Variants in BRD1 observed in about 807,000 individuals in gnomAD.
BRD1 encodes the protein bromodomain containing 1.
BRD1 carries 24 observed loss-of-function variants against 107.7 expected under a neutral mutation model. The ratio of observed to expected loss-of-function variants is 0.22; its 90% CI spans 0.16 to 0.31. The LOEUF (loss-of-function observed/expected upper bound fraction) is 0.31. Among genes scored for constraint, BRD1 ranks in the 10% least tolerant of loss-of-function variants. BRD1 has a pLI of 1.00. For synonymous variants in BRD1, 744 were observed against 686.1 expected (o/e 1.08, Z -1.32); for missense variants, 1,279 against 1,638.6 (o/e 0.78, Z 3.79).
intron 8 of BRD1, among the ~76,000 whole-genome samples, chr22:49,784,101 T>TG (rs1392747955): frequency 1.5e-5 from 2 of 130,398 alleles, no homozygotes; most frequent in African/African-American, 2.9e-5. Context: ...CACGTGCACA[T>TG]GGAGACTCGC....
chr22:49,791,220 C>G (rs549048886), intron 7 of BRD1, among the ~76,000 whole-genome samples: 4 of 152,240 alleles, frequency 2.6e-5, no homozygotes, highest in East Asian at 3.8e-4. Context: ...AGCAACAGCC[C>G]GAACCTCTGC....
chr22:49,775,930 GCCCCCCCGC>G, intron 11 of BRD1, 111 bp downstream of exon 11: 5 of 757,004 alleles, frequency 6.6e-6, no homozygotes, highest in African/African-American at 2.9e-5. Flanking sequence ...GACCAACCCC[GCCCCCCCGC>G]CAGCTGTGGA....
chr22:49,777,024 G>A lies in BRD1; in HGVS notation c.3121+10C>T. The A allele has an allele frequency of 6.2e-7, 1 of 1,613,016 alleles. No individual in the cohort carries two copies. Among genetic ancestry groups the A allele is most frequent in the South Asian group, 1.1e-5 (1 of 91,080 alleles). ...GTGGAGAGCCATGGAGGCAGGTCCG[G>A]GCGACTCACCGGCTGCGATCCTGGC... On this transcript the variant is annotated intron_variant, in intron 10 of 12. Coordinates refer to ENST00000404760, the MANE Select transcript of BRD1 (RefSeq NM_001304808.3).
In BRD1 at chr22:49,824,700, G is replaced by A. The variant is rs2060127608; in HGVS notation, c.-14-369C>T. 9.2e-7 allele frequency: 1 copy of A among 1,084,076 alleles called. No individual in the cohort carries two copies. The highest frequency in any genetic ancestry group is 4.7e-5 in the Admixed American group (1 of 21,274). The allele number at this position is 1,084,076 out of a possible 1,614,324, so 67.2% of individuals were successfully genotyped here. A position where few individuals can be genotyped will look rare whatever the true frequency, so the allele number is the denominator to read the frequency against. On this transcript the variant is annotated intron_variant, in intron 1 of 12. Transcript: ENST00000404760. The surrounding 1 kb of genome is among the most constrained non-coding windows in gnomAD (Gnocchi z 5.9). ...CACAGTTGCAGGACTTTCCCAGCAT[G>A]CAGGCGGTCCCCCAGGAAGTCCACA...
At chr22:49,817,720 T>C (rs1437131814) in intron 2 of BRD1, 6 of 209,134 alleles carry the variant, frequency 2.9e-5, no homozygotes, top group African/African-American at 1.2e-4. Context: ...CAGGGGTCAA[T>C]GTTTCTCTTT....
chr22:49,799,251 C>G (rs2059595009), intron 3 of BRD1, 132 bp from the exon 4 acceptor site: 1 of 1,168,706 alleles, frequency 8.6e-7, no homozygotes, highest in Non-Finnish European at 1.2e-6. Context: ...GGGAGGACAA[C>G]AGACCACCCT....
Position 49,796,518 on chromosome 22 carries a change from G to A in BRD1, c.2098+1287C>T, listed in dbSNP as rs558325665. On this transcript the variant is annotated intron_variant, in intron 6 of 12. Coordinates refer to ENST00000404760, the MANE Select transcript of BRD1 (RefSeq NM_001304808.3). ...ATTACAGGCATGCGCCACCATGCCC[G>A]GCTAATTTTTTGTGTTTGCAGTAGA... is the stretch of plus-strand genomic sequence containing the variant. Among the ~76,000 whole-genome samples the A allele has an allele frequency of 2.2e-3, 337 of 151,988 alleles. 1 individual carries two copies. Among genetic ancestry groups the A allele is most frequent in the South Asian group, 9.8e-3 (47 of 4,812 alleles).
chr22:49,794,853 G>A lies in BRD1; in HGVS notation c.2099-559C>T, dbSNP rs938221344. Among the ~76,000 whole-genome samples, 15 of 152,308 alleles carry A rather than the reference G, an allele frequency of 9.8e-5. No homozygotes were observed. In the South Asian group the frequency reaches 1.0e-3, roughly 11 times the overall value. On this transcript the variant is annotated intron_variant, in intron 6 of 12. Coordinates refer to ENST00000404760, the MANE Select transcript of BRD1 (RefSeq NM_001304808.3). The stretch of plus-strand genomic sequence containing the variant: ...TCACAGATCATTCTGAATTTCAGAC[G>A]TATTTACTACAAAGTCCCTAGAAAC...
intron 8 of BRD1, among the ~76,000 whole-genome samples, chr22:49,780,530 C>A (rs142522164): frequency 1.1e-4 from 17 of 152,128 alleles, no homozygotes; most frequent in Admixed American, 6.5e-5. Context: ...TGCGGCAGTG[C>A]GGGGTCACCC....
intron 2 of BRD1, chr22:49,806,544 C>G (rs1331013823): frequency 6.6e-6 from 1 of 152,154 alleles, no homozygotes; most frequent in African/African-American, 2.4e-5. Context: ...GGAAACAGAC[C>G]TCAGATAAGA....
Position 49,814,557 on chromosome 22 carries a change from A to T in BRD1, c.1367+8394T>A, listed in dbSNP as rs1456438177. Among the ~76,000 whole-genome samples, 6 of 152,354 alleles carry T rather than the reference A, an allele frequency of 3.9e-5. No individual in the cohort carries two copies. The East Asian group carries it at 1.2e-3, about 29-fold the overall frequency. ...CCTCTCCGACGGGGCAGGGTGTGCA[A>T]AAGAGGACGCAGCCCCAGCAACAGG... On this transcript the variant is annotated intron_variant, in intron 2 of 12. Transcript: ENST00000404760.
intron 2 of BRD1, among the ~76,000 whole-genome samples, chr22:49,817,086 A>C (rs1475227909): frequency 6.6e-6 from 1 of 152,138 alleles, no homozygotes; most frequent in Non-Finnish European, 1.5e-5. Flanking sequence ...GAAATCCATA[A>C]GCTGCTCTAT....
intron 1 of BRD1, chr22:49,826,163 G>A: frequency 2.1e-5 from 21 of 985,360 alleles, no homozygotes; most frequent in Non-Finnish European, 2.5e-5. Flanking sequence ...GATCAGAAAC[G>A]AACCTGTCAT....
At chr22:49,827,328 C>T (rs1194615847) in intron 1 of BRD1, among the ~76,000 whole-genome samples, 169 bp downstream of exon 1, 1 of 148,248 alleles carries the variant, frequency 6.7e-6, no homozygotes, top group Non-Finnish European at 1.5e-5. Flanking sequence ...GCCTCCCCGG[C>T]ATCCCGGGCT....
rs2059092881 is a variant in BRD1, at chr22:49,776,089, C to T, written c.3192G>A (p.Val1064=). The T allele has an allele frequency of 6.2e-7, 1 of 1,602,280 alleles. No homozygotes were observed. The highest frequency in any genetic ancestry group is 1.7e-5 in the Admixed American group (1 of 59,648). The change falls in exon 11 of 13, where the codon GTG becomes GTA. Residue 1064 remains valine, a synonymous_variant. Coordinates refer to ENST00000404760, the MANE Select transcript of BRD1 (RefSeq NM_001304808.3). ...AGGGGTAGCCGCTGCACTTGGCCCA[C>T]ACCACCTTCAGAGGCTCCAGCACCG... ...AASVLEPLKV[V]WAKCSGYPSY... is the part of the protein sequence containing the mutation.
chr22:49,815,143 T>TG (rs1395992551), intron 2 of BRD1, among the ~76,000 whole-genome samples: 1 of 152,196 alleles, frequency 6.6e-6, no homozygotes, highest in Non-Finnish European at 1.5e-5. Flanking sequence ...AGAGTCTGAG[T>TG]GCAGAGGAAG....
At position 49,791,728 on chromosome 22, in the gene BRD1, G is replaced by A. The variant is rs113219571; in HGVS notation, c.2359+2306C>T. On this transcript the variant is annotated intron_variant, in intron 7 of 12. Coordinates refer to ENST00000404760, the MANE Select transcript of BRD1 (RefSeq NM_001304808.3). ...TTCTCTGAGGGGCAGGACCCCGCCCGCCCCACCTCTCCAGAGACCCCCAAC... is the reference window on the plus strand; with the variant it reads ...TTCTCTGAGGGGCAGGACCCCGCCCACCCCACCTCTCCAGAGACCCCCAAC... Among the ~76,000 whole-genome samples, 1,440 of 149,474 alleles carry A rather than the reference G, an allele frequency of 9.6e-3. 20 individuals are homozygous for A. The highest frequency in any genetic ancestry group is 0.054 in the Middle Eastern group (16 of 294).
At chr22:49,817,436 A>C (rs1195443902) in intron 2 of BRD1, 1 of 153,792 alleles carries the variant, frequency 6.5e-6, no homozygotes, top group Admixed American at 6.5e-5. Context: ...TGGAATACCA[A>C]GACAGGAGAT....
chr22:49,774,888 T>C (rs182336987), intron 12 of BRD1, among the ~76,000 whole-genome samples: 1 of 152,370 alleles, frequency 6.6e-6, no homozygotes, highest in East Asian at 1.9e-4. Flanking sequence ...ATGCCTGTGC[T>C]GCCAGTCCTG....
Sources: allele counts gnomAD v4.1 joint callset (sites outside exome capture counted in the v4.1 genomes callset), GRCh38; gene constraint gnomAD v4.1.1; non-coding constraint Gnocchi (gnomAD v3.1); transcripts MANE v1.5; gene names NCBI Gene and HGNC (gene_info 2026-07-23, HGNC 2026-07-21).